MYO16: variants seen among roughly 807,000 people sequenced by gnomAD.
The protein encoded by MYO16 is myosin XVI.
In MYO16, 94 loss-of-function variants were observed where a neutral mutation model predicts 205.3. That is an observed-to-expected ratio of 0.46 (90% CI 0.39 to 0.54). The LOEUF is 0.54. MYO16 is among the 20% of genes least tolerant of loss of function. MYO16 has a pLI of 0.00. For synonymous variants in MYO16, 988 were observed against 954.0 expected (o/e 1.04, Z -0.66); for missense variants, 2,315 against 2,387.5 (o/e 0.97, Z 0.63).
chr13:108,891,181 A>G (rs1410079710), intron 14 of MYO16, among the ~76,000 whole-genome samples: 4 of 152,248 alleles, frequency 2.6e-5, no homozygotes, highest in African/African-American at 9.6e-5. Flanking sequence ...TTTAATGTGG[A>G]CAACCCATTT....
intron 28 of MYO16, among the ~76,000 whole-genome samples, chr13:109,110,424 G>C (rs1388206145): frequency 6.6e-6 from 1 of 152,130 alleles, no homozygotes; most frequent in Non-Finnish European, 1.5e-5. Context: ...AGGTCATACT[G>C]TTCTAGGTAA....
intron 2 of MYO16, among the ~76,000 whole-genome samples, chr13:108,706,030 G>T (rs1272645024): frequency 6.6e-6 from 1 of 152,120 alleles, no homozygotes; most frequent in Non-Finnish European, 1.5e-5. Context: ...CAGGCATACT[G>T]AAATATAAGA....
At chr13:108,959,853 G>A (rs957163324) in intron 17 of MYO16, among the ~76,000 whole-genome samples, 1 of 152,020 alleles carries the variant, frequency 6.6e-6, no homozygotes, top group Non-Finnish European at 1.5e-5. Context: ...GCACATTATA[G>A]CTATTTTCAC....
rs372463975 is a variant in MYO16 at position 109,047,200 on chromosome 13, A to G, written c.2872+209A>G. Reference sequence around the variant, plus strand: ...AATTTGGAGTCCAATGGAAACCATAATTTAACTAAGCTTTTAGCAGATAGA... The same window carrying G: ...AATTTGGAGTCCAATGGAAACCATAGTTTAACTAAGCTTTTAGCAGATAGA... On this transcript the variant is annotated intron_variant, in intron 24 of 34. Transcript: ENST00000457511. Among the ~76,000 whole-genome samples the G allele has an allele frequency of 2.0e-4, 30 of 152,310 alleles. 1 individual carries two copies. The South Asian group carries it at 6.2e-3, about 32-fold the overall frequency.
At chr13:108,868,108 T>G (rs769761210) in intron 12 of MYO16, among the ~76,000 whole-genome samples, 1 of 151,598 alleles carries the variant, frequency 6.6e-6, no homozygotes, top group Non-Finnish European at 1.5e-5. Flanking sequence ...AGAATATTAC[T>G]GCTATGAACA....
intron 1 of MYO16, among the ~76,000 whole-genome samples, chr13:108,630,691 G>C (rs1233247374): frequency 2.6e-5 from 4 of 152,090 alleles, no homozygotes; most frequent in African/African-American, 7.2e-5. Context: ...GCAGAAAATG[G>C]TTTTCTTTTA....
chr13:109,197,120 G>T (rs1036181497), intron 34 of MYO16, among the ~76,000 whole-genome samples: 2 of 152,114 alleles, frequency 1.3e-5, no homozygotes, highest in African/African-American at 4.8e-5. Context: ...CTCCTTCAGC[G>T]GCTCCGCCCA....
intron 28 of MYO16, among the ~76,000 whole-genome samples, chr13:109,112,086 C>T (rs1370639289): frequency 6.6e-6 from 1 of 152,062 alleles, no homozygotes; most frequent in African/African-American, 2.4e-5. Flanking sequence ...GCTATGGGCC[C>T]TGTACAATAT....
At chr13:109,003,384 C>T (rs896657612) in intron 21 of MYO16, among the ~76,000 whole-genome samples, 1 of 152,102 alleles carries the variant, frequency 6.6e-6, no homozygotes, top group African/African-American at 2.4e-5. Context: ...CAAAGATCAC[C>T]CTATGCCACA....
At chr13:108,909,932 A>C in intron 15 of MYO16, 71 bp from the exon 16 acceptor site, 1 of 1,433,734 alleles carries the variant, frequency 7.0e-7, no homozygotes, top group Non-Finnish European at 9.6e-7. Context: ...GTAATTAATT[A>C]ATATGTGTTA....
At chr13:108,946,410 C>G (rs375897596) in intron 16 of MYO16, among the ~76,000 whole-genome samples, 4 of 152,154 alleles carry the variant, frequency 2.6e-5, no homozygotes, top group East Asian at 1.9e-4. Flanking sequence ...ATGTATGGCA[C>G]TTCCAGATAT....
intron 1 of MYO16, among the ~76,000 whole-genome samples, chr13:108,606,353 T>A (rs1667579459): frequency 6.6e-6 from 1 of 151,880 alleles, no homozygotes; most frequent in African/African-American, 2.4e-5. Context: ...GAGGGAAAAA[T>A]GGTTTTGTGT....
chr13:108,885,665 C>G (rs995529629), intron 13 of MYO16, among the ~76,000 whole-genome samples: 1 of 152,154 alleles, frequency 6.6e-6, no homozygotes, highest in Non-Finnish European at 1.5e-5. Context: ...AGACCCTTGA[C>G]TAGATTATTT....
chr13:109,145,299 ACT>A (rs1361735262), intron 32 of MYO16, among the ~76,000 whole-genome samples: 6 of 151,882 alleles, frequency 4.0e-5, no homozygotes, highest in African/African-American at 1.5e-4. Flanking sequence ...GAGTGCAGTA[ACT>A]CTGTCTCTAG....
chr13:109,194,953 A>G (rs1320935507), intron 34 of MYO16, among the ~76,000 whole-genome samples: 1 of 152,114 alleles, frequency 6.6e-6, no homozygotes, highest in Non-Finnish European at 1.5e-5. Context: ...ACTTTCAGTT[A>G]TAAATGTATA....
At chr13:108,569,897 T>A in the MYO16 span, among the ~76,000 whole-genome samples, 50 of 152,224 alleles carry the variant, frequency 3.3e-4, no homozygotes, top group Non-Finnish European at 5.6e-4. Context: ...CTTAATACTA[T>A]AAATATGGTA....
intron 16 of MYO16, among the ~76,000 whole-genome samples, chr13:108,955,179 G>C (rs530949258): frequency 6.6e-6 from 1 of 152,288 alleles, no homozygotes; most frequent in African/African-American, 2.4e-5. Context: ...CCTTACCTGT[G>C]TCGTCCTAGA....
intron 1 of MYO16, among the ~76,000 whole-genome samples, chr13:108,605,708 A>G (rs1476051550): frequency 6.6e-6 from 1 of 152,114 alleles, no homozygotes; most frequent in Non-Finnish European, 1.5e-5. Flanking sequence ...TCCTTTATAA[A>G]TTTCCCAGTT....
At chr13:109,172,401 A>G (rs117546129) in intron 33 of MYO16, among the ~76,000 whole-genome samples, 3,105 of 152,294 alleles carry the variant, frequency 0.02, 48 homozygotes, top group Non-Finnish European at 0.031. Flanking sequence ...AGTTAAAAGC[A>G]TTTTAAAGTC....
Sources: allele counts gnomAD v4.1 joint callset (sites outside exome capture counted in the v4.1 genomes callset), GRCh38; gene constraint gnomAD v4.1.1; transcripts MANE v1.5; gene names NCBI Gene and HGNC (gene_info 2026-07-23, HGNC 2026-07-21).